AK8: variants seen among roughly 807,000 people sequenced by gnomAD.
The protein encoded by AK8 is adenylate kinase 8.
A neutral mutation model predicts 54.6 loss-of-function variants in AK8; 44 were observed. That is an observed-to-expected ratio of 0.81 (90% CI 0.63 to 1.04). AK8 has a LOEUF of 1.04. Ranked by LOEUF, AK8 falls within the 50% of genes least tolerant of loss-of-function variation. The pLI is 0.00. For missense variants in AK8, 555 were observed against 613.6 expected (o/e 0.90, Z 1.01); for synonymous variants, 239 against 245.6 (o/e 0.97, Z 0.25).
chr9:132,762,325 T>C (rs1285828322), intron 11 of AK8, among the ~76,000 whole-genome samples: 1 of 152,230 alleles, frequency 6.6e-6, no homozygotes, highest in Non-Finnish European at 1.5e-5. Flanking sequence ...TTTTTTAACC[T>C]AGGTCAGCGG....
intron 11 of AK8, among the ~76,000 whole-genome samples, chr9:132,742,169 CT>C (rs573195791): frequency 0.011 from 1,378 of 126,576 alleles, 9 homozygotes; most frequent in African/African-American, 0.031. Flanking sequence ...TGGACTTGGA[CT>C]TTTTTTTTTT....
chr9:132,792,624 G>A lies in AK8; in HGVS notation c.1121+10C>T. 1 of 1,550,094 alleles carries A rather than the reference G, an allele frequency of 6.5e-7. No homozygotes were observed. ...TGGCCAGGGCTGCTGGCTTGGCTGG[G>A]GCAGCTCACCTGTTGGGATTGTAGC... On this transcript the variant is annotated intron_variant, in intron 11 of 12. Coordinates refer to ENST00000298545, the MANE Select transcript of AK8 (RefSeq NM_152572.3).
rs141015858 is a variant in AK8, at chr9:132,871,412, G to A, written c.169+3703C>T. Among the ~76,000 whole-genome samples the A allele has an allele frequency of 3.1e-3, 478 of 152,348 alleles. 7 individuals are homozygous for A. The highest frequency in any genetic ancestry group is 0.011 in the African/African-American group (440 of 41,584). Reference sequence around the variant, plus strand: ...GTCGCTCTCTTCTTTCCATTTCAGTGGTTGGGGCTTGAGCCAAAGGACAAA... The same window carrying A: ...GTCGCTCTCTTCTTTCCATTTCAGTAGTTGGGGCTTGAGCCAAAGGACAAA... On this transcript the variant is annotated intron_variant, in intron 2 of 12. Transcript: ENST00000298545.
chr9:132,785,876 A>C (rs960202464), intron 11 of AK8, among the ~76,000 whole-genome samples: 1 of 152,254 alleles, frequency 6.6e-6, no homozygotes, highest in Non-Finnish European at 1.5e-5. Flanking sequence ...CAAAGAAATC[A>C]GAGTTTGAAT....
intron 11 of AK8, among the ~76,000 whole-genome samples, chr9:132,786,940 G>A (rs1839736863): frequency 2.0e-5 from 3 of 151,824 alleles, no homozygotes; most frequent in Non-Finnish European, 4.4e-5. Flanking sequence ...AACTATAAAA[G>A]GAATATTCAG....
intron 10 of AK8, among the ~76,000 whole-genome samples, chr9:132,798,092 G>A (rs1840262372): frequency 6.6e-6 from 1 of 152,214 alleles, no homozygotes; most frequent in Non-Finnish European, 1.5e-5. Flanking sequence ...TCCTGGTAGG[G>A]CTCTCCCATC....
At chr9:132,818,115 CA>C (rs1385554725) in intron 9 of AK8, among the ~76,000 whole-genome samples, 1 of 152,098 alleles carries the variant, frequency 6.6e-6, no homozygotes, top group African/African-American at 2.4e-5. Flanking sequence ...TATATGCAGC[CA>C]AAACATCCTT....
intron 5 of AK8, among the ~76,000 whole-genome samples, chr9:132,852,769 C>CAAAAAAAAAAAAAAAA (rs35786801): frequency 8.0e-4 from 13 of 16,342 alleles, no homozygotes; most frequent in Non-Finnish European, 8.8e-4. Context: ...GATTAGGTCT[C>CAAAAAAAAAAAAAAAA]AAAAAAAAAA....
intron 8 of AK8, among the ~76,000 whole-genome samples, chr9:132,824,165 C>T (rs986990566): frequency 1.3e-5 from 2 of 152,188 alleles, no homozygotes; most frequent in African/African-American, 2.4e-5. Context: ...AAACAGGGAG[C>T]TGTGAGAAAA....
At chr9:132,767,377 C>A (rs1211921559) in intron 11 of AK8, among the ~76,000 whole-genome samples, 2 of 151,904 alleles carry the variant, frequency 1.3e-5, no homozygotes, top group Admixed American at 6.6e-5. Flanking sequence ...TCACAAATAT[C>A]ATGGAAATGC....
chr9:132,824,982 G>A, intron 8 of AK8, among the ~76,000 whole-genome samples: 1 of 152,164 alleles, frequency 6.6e-6, no homozygotes, highest in East Asian at 1.9e-4. Flanking sequence ...CAGAGCTGGG[G>A]CAACTCTCCC....
At chr9:132,749,956 A>ACCTCGAGATACTGACAGCACACT in intron 11 of AK8, among the ~76,000 whole-genome samples, 1 of 145,038 alleles carries the variant, frequency 6.9e-6, no homozygotes, top group Non-Finnish European at 1.5e-5. Flanking sequence ...TGTCTTCCTT[A>ACCTCGAGATACTGACAGCACACT]CCTCGAGATA....
chr9:132,765,224 C>T (rs1041205785), intron 11 of AK8, among the ~76,000 whole-genome samples: 79 of 117,924 alleles, frequency 6.7e-4, no homozygotes, highest in Admixed American at 5.1e-3. Flanking sequence ...GCCCAGGGGG[C>T]GGAGGTTGTA....
At chr9:132,755,377 C>A (rs1338460697) in intron 11 of AK8, among the ~76,000 whole-genome samples, 2 of 152,186 alleles carry the variant, frequency 1.3e-5, no homozygotes, top group Admixed American at 6.5e-5. Flanking sequence ...AGCGCCTCGA[C>A]CCGTCCCACC....
chr9:132,863,853 G>T, intron 3 of AK8, 75 bp from the exon 4 acceptor site: 1 of 1,112,242 alleles, frequency 9.0e-7, no homozygotes, highest in Non-Finnish European at 1.3e-6. Context: ...AAAATGCCCT[G>T]GTCCTTCCCT....
chr9:132,830,176 T>C (rs1349882912), intron 5 of AK8, among the ~76,000 whole-genome samples: 1 of 152,248 alleles, frequency 6.6e-6, no homozygotes, highest in Non-Finnish European at 1.5e-5. Context: ...TGCCTGGTAT[T>C]GTATGAATTG....
Position 132,770,724 on chromosome 9 carries a change from CTGGGGCGCAGTG to C in AK8, c.1121+21898_1121+21909del, listed in dbSNP as rs1838933800. On this transcript the variant is annotated intron_variant, in intron 11 of 12. Coordinates refer to ENST00000298545, the MANE Select transcript of AK8 (RefSeq NM_152572.3). The surrounding 1 kb of genome is among the most constrained non-coding windows in gnomAD (Gnocchi z 4.3). ...TGGGTCGGCCCCTTCAAGGGGAGCC[CTGGGGCGCAGTG>C]TGGGGCGGTCTTGCTCCCTGTTGAC... is the stretch of plus-strand genomic sequence containing the variant. Among the ~76,000 whole-genome samples, 1 of 152,174 alleles carries C rather than the reference CTGGGGCGCAGTG, an allele frequency of 6.6e-6. No homozygotes were observed. The highest frequency in any genetic ancestry group is 2.4e-5 in the African/African-American group (1 of 41,450).
chr9:132,806,451 G>C (rs559270348), intron 10 of AK8, among the ~76,000 whole-genome samples: 4 of 152,108 alleles, frequency 2.6e-5, no homozygotes. Flanking sequence ...TGTCTTCAGC[G>C]AGTACAAACA....
chr9:132,748,977 C>T (rs1049214861), intron 11 of AK8, among the ~76,000 whole-genome samples: 2 of 151,782 alleles, frequency 1.3e-5, no homozygotes, highest in Non-Finnish European at 1.5e-5. Flanking sequence ...CGGGTTCAAG[C>T]GATTCTCTTG....
Sources: gnomAD v4.1 joint callset for allele counts (sites outside exome capture counted in the v4.1 genomes callset) on GRCh38, gnomAD v4.1.1 for gene constraint, Gnocchi (gnomAD v3.1) non-coding constraint, MANE v1.5 for transcripts, NCBI Gene and HGNC (gene_info 2026-07-23, HGNC 2026-07-21) for gene names.